MPP4: variants seen among roughly 807,000 people sequenced by gnomAD.
The protein encoded by MPP4 is MAGUK p55 scaffold protein 4.
A neutral mutation model predicts 98.3 loss-of-function variants in MPP4; 91 were observed. That is an observed-to-expected ratio of 0.93 (90% CI 0.78 to 1.10). The LOEUF is 1.10. Among genes scored for constraint, MPP4 ranks in the 50% least tolerant of loss-of-function variants. MPP4 has a pLI of 0.00. For missense variants in MPP4, 744 were observed against 792.9 expected (o/e 0.94, Z 0.74); for synonymous variants, 261 against 271.8 (o/e 0.96, Z 0.39).
At chr2:201,647,363 T>A (rs1687593746) in intron 21 of MPP4, among the ~76,000 whole-genome samples, 1 of 151,746 alleles carries the variant, frequency 6.6e-6, no homozygotes, top group Non-Finnish European at 1.5e-5. Flanking sequence ...CCCAAAAAAA[T>A]AAGAAAGTAA....
chr2:201,675,046 A>G (rs780093770), intron 11 of MPP4, 161 bp downstream of exon 11: 298 of 863,888 alleles, frequency 3.4e-4, no homozygotes, highest in Non-Finnish European at 5.0e-4. Flanking sequence ...CTACCTTTGA[A>G]AAACCCCTAA....
chr2:201,694,871 C>T (rs1689137411), intron 1 of MPP4, among the ~76,000 whole-genome samples: 1 of 152,064 alleles, frequency 6.6e-6, no homozygotes, highest in Admixed American at 6.6e-5. Flanking sequence ...ACCTTGGCTT[C>T]TCTAAGCACT....
chr2:201,692,031 A>G, intron 3 of MPP4, among the ~76,000 whole-genome samples: 1 of 152,238 alleles, frequency 6.6e-6, no homozygotes, highest in East Asian at 1.9e-4. Context: ...CTCTGGAAGA[A>G]AAAGAGCTGT....
In MPP4 at chr2:201,656,272, A is replaced by G. The variant is rs368134460; in HGVS notation, c.1226T>C (p.Val409Ala). The stretch of plus-strand genomic sequence containing the variant: ...CACCACCTCCTCGTAAGGGGCACCC[A>G]CTGCACTGTAGCAGCTGCCGGTGCA... ...VCCTGSCYSA[V>A]GAPYEEVVRY... The change falls in exon 17 of 22, where the codon GTG (valine) becomes GCG (alanine). Residue 409 changes from valine to alanine, a missense_variant. Coordinates refer to ENST00000409474, the MANE Select transcript of MPP4 (RefSeq NM_033066.3). 3 of 1,594,484 alleles carry G rather than the reference A, an allele frequency of 1.9e-6. No homozygotes were observed. Among genetic ancestry groups the G allele is most frequent in the Non-Finnish European group, 2.6e-6 (3 of 1,170,460 alleles).
At chr2:201,669,806 C>G in intron 11 of MPP4, 56 bp from the exon 12 acceptor site, 1 of 1,254,696 alleles carries the variant, frequency 8.0e-7, no homozygotes, top group Non-Finnish European at 1.0e-6. Flanking sequence ...AGTATCTGTA[C>G]TATATTTTCT....
chr2:201,675,615 G>T (rs9646756), intron 10 of MPP4, among the ~76,000 whole-genome samples: 46,691 of 152,030 alleles, frequency 0.31, 8,872 homozygotes, highest in Non-Finnish European at 0.41. Flanking sequence ...AGTCTCCTTC[G>T]AATTCTCATG....
At chr2:201,661,994 A>C (rs1275342881) in intron 14 of MPP4, 2 of 337,030 alleles carry the variant, frequency 5.9e-6, no homozygotes, top group East Asian at 1.7e-4. Flanking sequence ...TAACAGGCCA[A>C]CCATCTAACG....
rs1687810824 is a variant in MPP4, at chr2:201,654,860, C to T, written c.1358G>A (p.Ser453Asn). Residue 453 changes from serine to asparagine, a missense_variant, in exon 18 of 22, where the codon AGC becomes AAC. Coordinates refer to ENST00000409474, the MANE Select transcript of MPP4 (RefSeq NM_033066.3). ...LRRQLIEFNP[S>N]HFQSAVPHTT... ...ACGTGGCACAGCACTTTGAAAATGG[C>T]TGGGATTAAATTCAATAAGTTGTCT... 2 of 1,604,382 alleles carry T rather than the reference C, an allele frequency of 1.2e-6. No individual in the cohort carries two copies. Among genetic ancestry groups the T allele is most frequent in the Non-Finnish European group, 1.7e-6 (2 of 1,175,372 alleles).
At chr2:201,678,208 C>T (rs1688568660) in intron 10 of MPP4, among the ~76,000 whole-genome samples, 1 of 152,094 alleles carries the variant, frequency 6.6e-6, no homozygotes, top group South Asian at 2.1e-4. Flanking sequence ...GTGCTCCTTG[C>T]AAGGCCCCTG....
intron 3 of MPP4, among the ~76,000 whole-genome samples, chr2:201,691,711 G>T (rs564153566): frequency 6.6e-6 from 1 of 152,164 alleles, no homozygotes; most frequent in African/African-American, 2.4e-5. Context: ...TAGAGACAGG[G>T]TTTTGCCATG....
intron 11 of MPP4, 144 bp downstream of exon 11, chr2:201,675,063 G>C (rs1337551522): frequency 1.0e-6 from 1 of 954,744 alleles, no homozygotes; most frequent in Admixed American, 2.0e-5. Flanking sequence ...CTAATCTAGG[G>C]CCCTTCAAGG....
At chr2:201,663,000 T>C (rs1006736722) in intron 14 of MPP4, among the ~76,000 whole-genome samples, 1 of 152,154 alleles carries the variant, frequency 6.6e-6, no homozygotes, top group African/African-American at 2.4e-5. Flanking sequence ...AAATAATATA[T>C]TAAAGAAAAA....
At chr2:201,672,004 A>C (rs1688356200) in intron 11 of MPP4, among the ~76,000 whole-genome samples, 1 of 152,134 alleles carries the variant, frequency 6.6e-6, no homozygotes, top group African/African-American at 2.4e-5. Context: ...CCGGAAGTAA[A>C]ACATTCCTCA....
chr2:201,648,452 C>T (rs1687627389), intron 20 of MPP4, among the ~76,000 whole-genome samples: 1 of 152,158 alleles, frequency 6.6e-6, no homozygotes, highest in African/African-American at 2.4e-5. Flanking sequence ...TTCTAAAAAA[C>T]AAATGAACAT....
chr2:201,666,088 T>G, intron 13 of MPP4: 16 of 353,398 alleles, frequency 4.5e-5, no homozygotes, highest in African/African-American at 6.4e-5. Context: ...TAAGTGTTCT[T>G]GAGATCATTT....
At chr2:201,658,298 A>G in intron 16 of MPP4, among the ~76,000 whole-genome samples, 179 bp downstream of exon 16, 1 of 152,232 alleles carries the variant, frequency 6.6e-6, no homozygotes, top group East Asian at 1.9e-4. Context: ...GATGAATAAC[A>G]ATGAATAATT....
At position 201,685,065 on chromosome 2, in the gene MPP4, A is replaced by T. The variant is rs746433522; in HGVS notation, c.573T>A (p.Ser191Arg). 1 of 1,610,136 alleles carries T rather than the reference A, an allele frequency of 6.2e-7. No homozygotes were observed. The highest frequency in any genetic ancestry group is 1.3e-5 in the African/African-American group (1 of 74,600). ...TCAATCCCAGCTGCTCCAGCTTACC[A>T]CTTCTCTCCGCCAGCCCACCGTGGA... ...RIIHGGLAER[S>R]GLLYAGDKLV... The change falls in exon 7 of 22, where the codon AGT becomes AGA. Residue 191 changes from serine (S) to arginine (R), a missense_variant and splice_region_variant. Coordinates refer to ENST00000409474, the MANE Select transcript of MPP4 (RefSeq NM_033066.3).
intron 14 of MPP4, among the ~76,000 whole-genome samples, chr2:201,660,944 T>G (rs1361534629): frequency 3.3e-5 from 5 of 152,288 alleles, no homozygotes; most frequent in African/African-American, 1.2e-4. Context: ...TGTTTTGAGA[T>G]GCAGTCCCCT....
chr2:201,697,946 C>T, intron 1 of MPP4: 4 of 985,432 alleles, frequency 4.1e-6, no homozygotes, highest in Non-Finnish European at 4.8e-6. Flanking sequence ...CTTTCCATGA[C>T]TTCTGTACCA....
Sources: gnomAD v4.1 joint callset for allele counts (sites outside exome capture counted in the v4.1 genomes callset) on GRCh38, gnomAD v4.1.1 for gene constraint, MANE v1.5 for transcripts, NCBI Gene and HGNC (gene_info 2026-07-23, HGNC 2026-07-21) for gene names.